UQCC5: variants seen among roughly 807,000 people sequenced by gnomAD.
UQCC5 encodes ubiquinol-cytochrome c reductase complex assembly factor 5.
chr3:52,536,791 G>A, the UQCC5 span: 1 of 1,551,834 alleles, frequency 6.4e-7, no homozygotes, highest in Non-Finnish European at 8.7e-7. Flanking sequence ...GGATTCTGCA[G>A]CGGGTGCCCG....
the UQCC5 span, among the ~76,000 whole-genome samples, chr3:52,538,034 T>A: frequency 6.6e-6 from 1 of 152,218 alleles, no homozygotes; most frequent in Non-Finnish European, 1.5e-5. Context: ...TCCCAAGGAT[T>A]GAGTCATTTT....
the UQCC5 span, among the ~76,000 whole-genome samples, chr3:52,540,272 GTTTTGTTTTAAGTTTA>G: frequency 6.6e-6 from 1 of 152,190 alleles, no homozygotes; most frequent in Non-Finnish European, 1.5e-5. Context: ...TCTAACTCAA[GTTTTGTTTTAAGTTTA>G]TTTTGGCATT....
chr3:52,536,611 G>T, the UQCC5 span: 5 of 1,456,810 alleles, frequency 3.4e-6, no homozygotes, highest in South Asian at 5.6e-5. Context: ...CGGCACTCGT[G>T]CGCCTACCAG....
the UQCC5 span, among the ~76,000 whole-genome samples, chr3:52,540,018 T>C: frequency 6.6e-6 from 1 of 152,230 alleles, no homozygotes; most frequent in East Asian, 1.9e-4. Context: ...TGATCTCCTC[T>C]CCCCACCTGA....
chr3:52,536,916 G>A, the UQCC5 span: 4 of 1,551,466 alleles, frequency 2.6e-6, no homozygotes, highest in East Asian at 2.4e-5. Flanking sequence ...TGTAAGTGAG[G>A]GGGTAGCAGT....
chr3:52,537,625 C>A, the UQCC5 span, among the ~76,000 whole-genome samples: 1 of 152,208 alleles, frequency 6.6e-6, no homozygotes, highest in South Asian at 2.1e-4. Context: ...AATGAGCATT[C>A]TTGAGGGGCT....
At chr3:52,538,273 G>A in the UQCC5 span, among the ~76,000 whole-genome samples, 1 of 152,212 alleles carries the variant, frequency 6.6e-6, no homozygotes. Flanking sequence ...GACACCTGGG[G>A]CAGGGGGTAG....
the UQCC5 span, chr3:52,540,789 G>A: frequency 4.0e-6 from 1 of 248,842 alleles, no homozygotes; most frequent in Middle Eastern, 1.2e-3. Flanking sequence ...TTTCAGTGAA[G>A]CCCGAATTGT....
At chr3:52,537,178 A>C in the UQCC5 span, among the ~76,000 whole-genome samples, 1 of 152,194 alleles carries the variant, frequency 6.6e-6, no homozygotes, top group African/African-American at 2.4e-5. Flanking sequence ...CCTGCCGGTG[A>C]CATCGTTTGG....
the UQCC5 span, chr3:52,536,780 C>G: frequency 6.4e-7 from 1 of 1,551,854 alleles, no homozygotes; most frequent in South Asian, 1.2e-5. Context: ...CCAGGTGAGA[C>G]GGATTCTGCA....
chr3:52,541,410 T>C, the UQCC5 span: 1 of 152,236 alleles, frequency 6.6e-6, no homozygotes, highest in Non-Finnish European at 1.5e-5. Context: ...CTTAAGGCCA[T>C]AGGGTATCCT....
At chr3:52,541,169 GAA>G in the UQCC5 span, 1 of 152,208 alleles carries the variant, frequency 6.6e-6, no homozygotes, top group Non-Finnish European at 1.5e-5. Context: ...ATGAGAAAGT[GAA>G]CCTACACAGT....
the UQCC5 span, chr3:52,536,736 C>G: frequency 1.8e-5 from 28 of 1,551,608 alleles, no homozygotes; most frequent in Non-Finnish European, 2.4e-5. Flanking sequence ...TCATATCCCT[C>G]TCCACGACCT....
At chr3:52,536,739 C>T in the UQCC5 span, 1 of 1,551,744 alleles carries the variant, frequency 6.4e-7, no homozygotes, top group Non-Finnish European at 8.7e-7. Flanking sequence ...TATCCCTCTC[C>T]ACGACCTCGG....
the UQCC5 span, chr3:52,536,770 C>T: frequency 6.4e-7 from 1 of 1,551,820 alleles, no homozygotes; most frequent in South Asian, 1.2e-5. Context: ...TCACCAGGGC[C>T]CAGGTGAGAC....
At chr3:52,540,168 A>G in the UQCC5 span, among the ~76,000 whole-genome samples, 8 of 152,374 alleles carry the variant, frequency 5.3e-5, no homozygotes, top group Non-Finnish European at 1.2e-4. Context: ...GGGACATCTT[A>G]AAACACTAAG....
chr3:52,540,192 CAT>C, the UQCC5 span, among the ~76,000 whole-genome samples: 1 of 152,214 alleles, frequency 6.6e-6, no homozygotes, highest in Non-Finnish European at 1.5e-5. Flanking sequence ...TGTGCTAAGA[CAT>C]GATTCTATCT....
the UQCC5 span, chr3:52,536,879 A>G: frequency 3.2e-6 from 5 of 1,551,636 alleles, no homozygotes; most frequent in Non-Finnish European, 3.5e-6. Flanking sequence ...GATCATGATT[A>G]AAGTGCGCGT....
At chr3:52,540,385 T>C in the UQCC5 span, 114 of 1,401,148 alleles carry the variant, frequency 8.1e-5, 2 homozygotes, top group South Asian at 1.4e-3. Context: ...ATTTTAAATA[T>C]GTTTCTTAAA....
Sources: gnomAD v4.1 joint callset for allele counts (sites outside exome capture counted in the v4.1 genomes callset) on GRCh38, gnomAD v4.1.1 for gene constraint, MANE v1.5 for transcripts, NCBI Gene and HGNC (gene_info 2026-07-23, HGNC 2026-07-21) for gene names.